GARIN2: variants seen among roughly 807,000 people sequenced by gnomAD.
GARIN2 encodes Golgi-associated RAB2 interactor protein 2.
At chr14:67,198,212 T>G in the GARIN2 span, 1 of 1,613,794 alleles carries the variant, frequency 6.2e-7, no homozygotes, top group Non-Finnish European at 8.5e-7. Flanking sequence ...AGCAAGATGC[T>G]CTCTGCACCC....
chr14:67,225,528 C>T, the GARIN2 span, among the ~76,000 whole-genome samples: 2,949 of 152,234 alleles, frequency 0.019, 40 homozygotes, highest in Middle Eastern at 0.034. Context: ...ACTACCATAG[C>T]GATTCTTCTC....
chr14:67,212,314 A>G, the GARIN2 span, among the ~76,000 whole-genome samples: 7 of 152,078 alleles, frequency 4.6e-5, no homozygotes, highest in South Asian at 2.1e-4. Flanking sequence ...CTGACAAAAA[A>G]TGTATCTTAG....
chr14:67,199,090 A>C, the GARIN2 span: 1 of 1,052,396 alleles, frequency 9.5e-7, no homozygotes. Flanking sequence ...TCCGAGCGGA[A>C]CCAGGATGCC....
At chr14:67,190,388 T>G in the GARIN2 span, among the ~76,000 whole-genome samples, 1 of 151,650 alleles carries the variant, frequency 6.6e-6, no homozygotes. Flanking sequence ...CATGCCTGGC[T>G]AATTTTTGTA....
the GARIN2 span, among the ~76,000 whole-genome samples, chr14:67,215,938 A>G: frequency 6.6e-6 from 1 of 152,180 alleles, no homozygotes; most frequent in Non-Finnish European, 1.5e-5. Flanking sequence ...AATGCCCTAA[A>G]CCATTAGATT....
the GARIN2 span, among the ~76,000 whole-genome samples, chr14:67,205,602 C>T: frequency 6.6e-6 from 1 of 152,020 alleles, no homozygotes; most frequent in Non-Finnish European, 1.5e-5. Context: ...TAGAAAAGGC[C>T]AGAGAGTGGA....
the GARIN2 span, chr14:67,208,438 T>G: frequency 6.2e-7 from 1 of 1,613,162 alleles, no homozygotes; most frequent in African/African-American, 1.3e-5. Flanking sequence ...CTCTCAAGGC[T>G]GAAGAATCCA....
chr14:67,193,059 T>TATCA, the GARIN2 span, among the ~76,000 whole-genome samples: 3 of 144,936 alleles, frequency 2.1e-5, no homozygotes, highest in African/African-American at 5.0e-5. Context: ...GATATATCTC[T>TATCA]ATATCTATAT....
chr14:67,196,660 T>G, the GARIN2 span: 7 of 152,252 alleles, frequency 4.6e-5, no homozygotes, highest in African/African-American at 1.7e-4. Context: ...TCAAATATCC[T>G]CATTGGCCAT....
At chr14:67,204,268 C>T in the GARIN2 span, among the ~76,000 whole-genome samples, 2 of 152,030 alleles carry the variant, frequency 1.3e-5, no homozygotes, top group Admixed American at 1.3e-4. Context: ...GAAACCTTGT[C>T]TCTACAAAAA....
chr14:67,192,403 G>A, the GARIN2 span, among the ~76,000 whole-genome samples: 23 of 151,684 alleles, frequency 1.5e-4, no homozygotes, highest in African/African-American at 5.6e-4. Flanking sequence ...CTAACACCTT[G>A]AACAATCAAC....
At chr14:67,206,620 C>T in the GARIN2 span, among the ~76,000 whole-genome samples, 1 of 152,148 alleles carries the variant, frequency 6.6e-6, no homozygotes, top group South Asian at 2.1e-4. Context: ...AGGTAGGAGA[C>T]AGAACTTCAA....
the GARIN2 span, among the ~76,000 whole-genome samples, chr14:67,193,205 T>C: frequency 1.4e-5 from 2 of 140,880 alleles, no homozygotes; most frequent in Non-Finnish European, 3.1e-5. Flanking sequence ...TATATATCTC[T>C]ATATAGACAT....
At chr14:67,225,634 T>C in the GARIN2 span, among the ~76,000 whole-genome samples, 7 of 152,282 alleles carry the variant, frequency 4.6e-5, no homozygotes, top group Admixed American at 4.6e-4. Flanking sequence ...CATAGCAAAA[T>C]GATACAGATA....
At chr14:67,224,640 G>C in the GARIN2 span, 10 of 296,544 alleles carry the variant, frequency 3.4e-5, no homozygotes, top group African/African-American at 6.9e-5. Context: ...TTTTTTTACA[G>C]TGAGCCCAAA....
At chr14:67,223,842 T>A in the GARIN2 span, 10 of 985,800 alleles carry the variant, frequency 1.0e-5, no homozygotes, top group East Asian at 1.1e-3. Context: ...TTCCATACAC[T>A]TTTACTCTCA....
At chr14:67,192,880 A>G in the GARIN2 span, among the ~76,000 whole-genome samples, 2 of 146,650 alleles carry the variant, frequency 1.4e-5, no homozygotes, top group Non-Finnish European at 3.0e-5. Flanking sequence ...ATATATAGAT[A>G]TATATCTAGA....
chr14:67,200,267 G>T, the GARIN2 span: 1 of 787,612 alleles, frequency 1.3e-6, no homozygotes, highest in African/African-American at 1.8e-5. Context: ...CTCCAACCAG[G>T]CCCACTCCCC....
At chr14:67,203,021 C>T in the GARIN2 span, 1 of 1,490,712 alleles carries the variant, frequency 6.7e-7, no homozygotes, top group Non-Finnish European at 9.1e-7. Flanking sequence ...CTCTCTTACA[C>T]TTCTCAGGCA....
Sources: gnomAD v4.1 joint callset for allele counts (sites outside exome capture counted in the v4.1 genomes callset) on GRCh38, gnomAD v4.1.1 for gene constraint, MANE v1.5 for transcripts, NCBI Gene and HGNC (gene_info 2026-07-23, HGNC 2026-07-21) for gene names.